The following LARP1 variants were observed in gnomAD, a reference collection of about 807,000 sequenced individuals.
The protein encoded by LARP1 is La ribonucleoprotein 1, translational regulator.
A neutral mutation model predicts 122.7 loss-of-function variants in LARP1; 36 were observed. The observed-to-expected ratio is 0.29, with a 90% confidence interval of 0.22 to 0.39. The LOEUF (loss-of-function observed/expected upper bound fraction) is 0.39. Among genes scored for constraint, LARP1 ranks in the 10% least tolerant of loss-of-function variants. The pLI is 1.00. For missense variants in LARP1, 1,040 were observed against 1,403.6 expected (o/e 0.74, Z 4.14); for synonymous variants, 539 against 528.7 (o/e 1.02, Z -0.27).
chr5:154,723,841 G>T (rs547321985), intron 1 of LARP1, among the ~76,000 whole-genome samples: 2 of 152,140 alleles, frequency 1.3e-5, no homozygotes, highest in East Asian at 1.9e-4. Flanking sequence ...CGGAACAAGT[G>T]GGGAGAGAGA....
exon 1 of LARP1, chr5:154,712,854 G>C: frequency 2.2e-6 from 3 of 1,368,874 alleles, no homozygotes; most frequent in Middle Eastern, 3.7e-4. Context: ...CCAGAGCCAG[G>C]AGGCAGCTGT....
intron 15 of LARP1, among the ~76,000 whole-genome samples, chr5:154,807,766 G>T (rs540296985): frequency 3.3e-5 from 5 of 152,218 alleles, no homozygotes; most frequent in Admixed American, 6.5e-5. Context: ...GTTGACCATG[G>T]TGGTCTTGAA....
rs1231811866 is a variant in LARP1 at position 154,817,505 on chromosome 5, CATT to C, written c.*3413_*3415del. 1.3e-5 allele frequency: 2 copies of C among 152,642 alleles called. No homozygotes were observed. Among genetic ancestry groups the C allele is most frequent in the African/African-American group, 2.4e-5 (1 of 41,458 alleles). The allele number at this position is 152,642 out of a possible 1,614,324, so 9.5% of individuals were successfully genotyped here. Reference sequence around the variant, plus strand: ...GCTTTCCAGGCTGAAGTGATTCATTCATTATTCTAGTCCTGCTTTAGTCCTTTG... The same window carrying C: ...GCTTTCCAGGCTGAAGTGATTCATTCATTCTAGTCCTGCTTTAGTCCTTTG... On this transcript the variant is annotated 3_prime_UTR_variant, in exon 19 of 19. Transcript: ENST00000518297.
Position 154,793,644 on chromosome 5 carries a change from G to A in LARP1, c.789G>A (p.Val263=), listed in dbSNP as rs1205275032. Residue 263 remains valine (V), a synonymous_variant, in exon 5 of 19, where the codon GTG becomes GTA. Coordinates refer to ENST00000518297, the MANE Select transcript of LARP1 (RefSeq NM_033551.3). ...VPLQIDMKPE[V]PREKLASRPT... is the part of the protein sequence containing the mutation. ...TACAAATAGACATGAAGCCTGAAGT[G>A]CCCAGAGAGAAACTGGCTTCACGCC... 2 of 1,614,050 alleles carry A rather than the reference G, an allele frequency of 1.2e-6. No individual in the cohort carries two copies. Among genetic ancestry groups the A allele is most frequent in the African/African-American group, 2.7e-5 (2 of 74,918 alleles).
At chr5:154,700,157 A>G (rs1392435441) in intron 1 of LARP1, among the ~76,000 whole-genome samples, 4 of 152,230 alleles carry the variant, frequency 2.6e-5, no homozygotes, top group Non-Finnish European at 2.9e-5. Flanking sequence ...TAATCAAATA[A>G]TATTTTAATA....
chr5:154,738,702 T>G (rs1389535713), intron 1 of LARP1, among the ~76,000 whole-genome samples: 2 of 152,152 alleles, frequency 1.3e-5, no homozygotes, highest in East Asian at 3.9e-4. Flanking sequence ...TACATTATTT[T>G]TGATCCAAAA....
At chr5:154,700,284 G>T (rs1235903837) in intron 1 of LARP1, among the ~76,000 whole-genome samples, 2 of 152,082 alleles carry the variant, frequency 1.3e-5, no homozygotes, top group Non-Finnish European at 2.9e-5. Flanking sequence ...CTCCAAGATG[G>T]CTATATTCTG....
chr5:154,796,951 CG>C (rs1757911541), intron 8 of LARP1, among the ~76,000 whole-genome samples: 1 of 152,110 alleles, frequency 6.6e-6, no homozygotes, highest in Admixed American at 6.5e-5. Context: ...TGGGCTCAAA[CG>C]TATTTATTTT....
chr5:154,702,638 A>G (rs771577699), intron 1 of LARP1, among the ~76,000 whole-genome samples: 8 of 152,136 alleles, frequency 5.3e-5, no homozygotes, highest in Admixed American at 2.0e-4. Flanking sequence ...AGGCATTGAT[A>G]GCAACAACTC....
At chr5:154,709,959 G>C (rs1755135536), upstream of LARP1, among the ~76,000 whole-genome samples, 1 of 152,054 alleles carries the variant, frequency 6.6e-6, no homozygotes, top group South Asian at 2.1e-4. Flanking sequence ...AGATCATCAG[G>C]CATTAGGTTC....
chr5:154,735,914 T>A (rs1363260202), intron 1 of LARP1, among the ~76,000 whole-genome samples: 1 of 151,944 alleles, frequency 6.6e-6, no homozygotes, highest in African/African-American at 2.4e-5. Flanking sequence ...TTTACATTTT[T>A]TGACTTTATT....
intron 1 of LARP1, among the ~76,000 whole-genome samples, chr5:154,723,938 C>T (rs2113365459): frequency 6.6e-6 from 1 of 152,326 alleles, no homozygotes; most frequent in East Asian, 1.9e-4. Context: ...AGGCCTTCAG[C>T]AGGGGGCAGT....
chr5:154,772,899 C>T (rs1755560088), intron 1 of LARP1, among the ~76,000 whole-genome samples: 1 of 150,970 alleles, frequency 6.6e-6, no homozygotes, highest in Non-Finnish European at 1.5e-5. Flanking sequence ...GTCGGTCAGT[C>T]TGGTCTCGAA....
chr5:154,786,881 CT>C (rs111759565), intron 1 of LARP1, among the ~76,000 whole-genome samples: 302 of 141,440 alleles, frequency 2.1e-3, no homozygotes, highest in Non-Finnish European at 2.0e-3. Context: ...TGATTGTTTT[CT>C]TTTTTTTTTT....
At position 154,755,526 on chromosome 5, in the gene LARP1, A is replaced by G; in HGVS notation, c.-232A>G. ...GGGGACGCACGCCTAGGAGGCCTGG[A>G]CTGCAGAGTGGGGGGCCTTCCTCCC... On this transcript the variant is annotated 5_prime_UTR_variant, in exon 1 of 19. Coordinates refer to ENST00000518297, the MANE Select transcript of LARP1 (RefSeq NM_033551.3). The G allele has an allele frequency of 2.0e-6, 2 of 983,072 alleles. No homozygotes were observed. The highest frequency in any genetic ancestry group is 2.4e-6 in the Non-Finnish European group (2 of 826,886). The allele number at this position is 983,072 out of a possible 1,614,324, so 60.9% of individuals were successfully genotyped here. A position where few individuals can be genotyped will look rare whatever the true frequency, so the allele number is the denominator to read the frequency against.
intron 1 of LARP1, among the ~76,000 whole-genome samples, chr5:154,690,802 C>T (rs888372136): frequency 1.3e-5 from 2 of 152,184 alleles, no homozygotes; most frequent in African/African-American, 4.8e-5. Flanking sequence ...CGGGACAGGG[C>T]GCCTGGAGCC....
At chr5:154,715,264 CTTTTTTTTTTT>C (rs35808885) in intron 1 of LARP1, among the ~76,000 whole-genome samples, 1 of 90,236 alleles carries the variant, frequency 1.1e-5, no homozygotes, top group East Asian at 3.3e-4. Context: ...GCAAGCCTCT[CTTTTTTTTTTT>C]TTTTTTTTTT....
chr5:154,764,820 G>A (rs901846493), intron 1 of LARP1, among the ~76,000 whole-genome samples: 10 of 150,018 alleles, frequency 6.7e-5, no homozygotes, highest in Admixed American at 2.7e-4. Flanking sequence ...CACAAGAATC[G>A]CTTGAACCTG....
intron 1 of LARP1, among the ~76,000 whole-genome samples, chr5:154,759,947 GTTTGTTTT>G (rs58873271): frequency 0.14 from 20,281 of 147,388 alleles, 1,437 homozygotes; most frequent in South Asian, 0.22. Flanking sequence ...TTGTTTGTTT[GTTTGTTTT>G]TTTGGAGACA....
Sources: allele counts gnomAD v4.1 joint callset (sites outside exome capture counted in the v4.1 genomes callset), GRCh38; gene constraint gnomAD v4.1.1; transcripts MANE v1.5; gene names NCBI Gene and HGNC (gene_info 2026-07-23, HGNC 2026-07-21).